Variants in PLAG1 observed in about 807,000 individuals in gnomAD.
PLAG1 encodes the protein PLAG1 zinc finger, also known as zinc finger protein PLAG1.
In PLAG1, 7 loss-of-function variants were observed where a neutral mutation model predicts 35.5. The observed-to-expected ratio is 0.20, with a 90% CI of 0.11 to 0.37. The LOEUF (loss-of-function observed/expected upper bound fraction) is 0.37. PLAG1 is among the 10% of genes least tolerant of loss of function. The pLI is 1.00. For synonymous variants in PLAG1, 229 were observed against 225.4 expected (o/e 1.02, Z -0.14); for missense variants, 454 against 602.8 (o/e 0.75, Z 2.58).
intron 1 of PLAG1, among the ~76,000 whole-genome samples, chr8:56,179,717 T>A (rs1230812757): frequency 6.6e-6 from 1 of 152,168 alleles, no homozygotes; most frequent in Non-Finnish European, 1.5e-5. Context: ...GATTTATATA[T>A]TTCCTCCCGA....
chr8:56,161,046 T>C lies in PLAG1; in HGVS notation c.*5197A>G, dbSNP rs933184897. ...CAGCAAATTAATATTTTAAATCTGG[T>C]ATATGGACAATAAATAGTCTGCTTC... On this transcript the variant is annotated 3_prime_UTR_variant, in exon 5 of 5. Coordinates refer to ENST00000316981, the MANE Select transcript of PLAG1 (RefSeq NM_002655.3). 5.5e-6 allele frequency: 1 copy of C among 183,236 alleles called. No homozygotes were observed. Among genetic ancestry groups the C allele is most frequent in the Non-Finnish European group, 1.2e-5 (1 of 85,920 alleles). 11.4% of individuals were successfully genotyped at this position (183,236 alleles called of 1,614,324 possible). A position where few individuals can be genotyped will look rare whatever the true frequency, so the allele number is the denominator to read the frequency against.
Position 56,165,814 on chromosome 8 carries a change from C to A in PLAG1, c.*429G>T, listed in dbSNP as rs1811336352. 2 of 196,078 alleles carry A rather than the reference C, an allele frequency of 1.0e-5. No individual in the cohort carries two copies. The highest frequency in any genetic ancestry group is 1.9e-4 in the South Asian group (1 of 5,194). 12.1% of individuals were successfully genotyped at this position (196,078 alleles called of 1,614,324 possible). Reference sequence around the variant, plus strand: ...AGAAGCTAGTAAGAAAATTTAAACCCTTGAGTTATTCACAAACTTTTTATA... The same window carrying A: ...AGAAGCTAGTAAGAAAATTTAAACCATTGAGTTATTCACAAACTTTTTATA... On this transcript the variant is annotated 3_prime_UTR_variant, in exon 5 of 5. Coordinates refer to ENST00000316981, the MANE Select transcript of PLAG1 (RefSeq NM_002655.3).
At chr8:56,175,396 G>A (rs1297085277) in intron 2 of PLAG1, among the ~76,000 whole-genome samples, 1 of 152,192 alleles carries the variant, frequency 6.6e-6, no homozygotes, top group Non-Finnish European at 1.5e-5. Flanking sequence ...GAACAGAAAG[G>A]AGCTGGAGCA....
intron 1 of PLAG1, among the ~76,000 whole-genome samples, chr8:56,210,489 A>T (rs1462876192): frequency 6.6e-6 from 1 of 151,580 alleles, no homozygotes; most frequent in African/African-American, 2.4e-5. Flanking sequence ...ACCTGAGGAA[A>T]GGGCAAAAAC....
In PLAG1 at chr8:56,166,907, T is replaced by C; in HGVS notation, c.839A>G (p.Lys280Arg). 1.9e-6 allele frequency: 3 copies of C among 1,614,140 alleles called. No homozygotes were observed. The highest frequency in any genetic ancestry group is 2.5e-6 in the Non-Finnish European group (3 of 1,180,004). ...TAACTGCAAAGTGTTTGTGAATGGC[T>C]TTGATAACAGTTCACTGGAAGGTAA... ...MSLPSSELLSKPFTNTLQLNL... is the reference protein window; with the variant it reads ...MSLPSSELLSRPFTNTLQLNL... The change falls in exon 5 of 5, where the codon AAG becomes AGG. Residue 280 changes from lysine (K) to arginine (R), a missense_variant. Lys to Arg is a conservative substitution (Grantham distance 26). This residue lies in a region of PLAG1 where 271 missense variants were observed against 315.6 expected (regional missense o/e 0.86). Coordinates refer to ENST00000316981, the MANE Select transcript of PLAG1 (RefSeq NM_002655.3).
At chr8:56,191,746 C>G (rs1396338352) in intron 1 of PLAG1, among the ~76,000 whole-genome samples, 1 of 150,236 alleles carries the variant, frequency 6.7e-6, no homozygotes, top group African/African-American at 2.5e-5. Context: ...TTAACAGAAC[C>G]TGTGGTATTA....
intron 1 of PLAG1, among the ~76,000 whole-genome samples, chr8:56,202,062 C>A (rs778932097): frequency 4.0e-5 from 6 of 151,144 alleles, no homozygotes; most frequent in Non-Finnish European, 7.4e-5. Context: ...AGAACCTCTG[C>A]TTTCTTATTT....
chr8:56,180,887 G>A (rs1340098465), intron 1 of PLAG1, among the ~76,000 whole-genome samples: 1 of 152,134 alleles, frequency 6.6e-6, no homozygotes, highest in East Asian at 1.9e-4. Flanking sequence ...GTCAAAAAGT[G>A]GGCGAAGGAT....
rs989068060 is a variant in PLAG1 at position 56,164,687 on chromosome 8, C to T, written c.*1556G>A. ...TAGATATGTTTCTTAGGTTAATGTC[C>T]CAACTGACCCTTAGAAAAATATATT... On this transcript the variant is annotated 3_prime_UTR_variant, in exon 5 of 5. Transcript: ENST00000316981. 4.6e-6 allele frequency: 1 copy of T among 219,574 alleles called. No individual in the cohort carries two copies. The allele number at this position is 219,574 out of a possible 1,614,324, so 13.6% of individuals were successfully genotyped here.
rs142718435 is a variant in PLAG1 at position 56,176,499 on chromosome 8, T to C, written c.-217+2910A>G. 3.6e-3 allele frequency among the ~76,000 whole-genome samples: 541 copies of C among 152,224 alleles called. 3 individuals carry two copies. The highest frequency in any genetic ancestry group is 0.012 in the African/African-American group (487 of 41,528). On this transcript the variant is annotated intron_variant, in intron 2 of 4. Coordinates refer to ENST00000316981, the MANE Select transcript of PLAG1 (RefSeq NM_002655.3). Reference sequence around the variant, plus strand: ...AATGGGTGGTACAACACTGAGATATTTTCATTTTTTTCACATGGGGCCATT... The same window carrying C: ...AATGGGTGGTACAACACTGAGATATCTTCATTTTTTTCACATGGGGCCATT...
Position 56,165,603 on chromosome 8 carries a change from C to T in PLAG1, c.*640G>A, listed in dbSNP as rs1811331287. ...ACAGAGTCTCTTTTTGCTATAAATA[C>T]TGATGCTTTGTGTTTAGGGTTTGTT... On this transcript the variant is annotated 3_prime_UTR_variant, in exon 5 of 5. Coordinates refer to ENST00000316981, the MANE Select transcript of PLAG1 (RefSeq NM_002655.3). 4.9e-6 allele frequency: 1 copy of T among 203,132 alleles called. No homozygotes were observed. Among genetic ancestry groups the T allele is most frequent in the Non-Finnish European group, 1.0e-5 (1 of 98,900 alleles). The allele number at this position is 203,132 out of a possible 1,614,324, so 12.6% of individuals were successfully genotyped here. A position where few individuals can be genotyped will look rare whatever the true frequency, so the allele number is the denominator to read the frequency against.
intron 1 of PLAG1, among the ~76,000 whole-genome samples, chr8:56,184,910 G>T (rs1811979638): frequency 6.6e-6 from 1 of 152,122 alleles, no homozygotes; most frequent in South Asian, 2.1e-4. Flanking sequence ...TCATGCCACT[G>T]CACTCCAGTC....
Position 56,162,223 on chromosome 8 carries a change from T to C in PLAG1, c.*4020A>G, listed in dbSNP as rs999121472. ...TTTACCAGAACTAACAGCCAGCCAT[T>C]GCTAATGACGAATACTAAACATTTA... On this transcript the variant is annotated 3_prime_UTR_variant, in exon 5 of 5. Coordinates refer to ENST00000316981, the MANE Select transcript of PLAG1 (RefSeq NM_002655.3). The C allele has an allele frequency of 4.4e-6, 1 of 228,990 alleles. No homozygotes were observed. The highest frequency in any genetic ancestry group is 5.7e-5 in the Admixed American group (1 of 17,630). The allele number at this position is 228,990 out of a possible 1,614,324, so 14.2% of individuals were successfully genotyped here. A position where few individuals can be genotyped will look rare whatever the true frequency, so the allele number is the denominator to read the frequency against.
chr8:56,161,157 TATG>T lies in PLAG1; in HGVS notation c.*5083_*5085del, dbSNP rs1404760395. 3 of 192,068 alleles carry T rather than the reference TATG, an allele frequency of 1.6e-5. No homozygotes were observed. Among genetic ancestry groups the T allele is most frequent in the Non-Finnish European group, 3.3e-5 (3 of 91,634 alleles). 11.9% of individuals were successfully genotyped at this position (192,068 alleles called of 1,614,324 possible). On this transcript the variant is annotated 3_prime_UTR_variant, in exon 5 of 5. Coordinates refer to ENST00000316981, the MANE Select transcript of PLAG1 (RefSeq NM_002655.3). ...ACAGAGCTTATACACACACAAAAAA[TATG>T]ATCTTTGTCTATATTTTATACAAAT...
Position 56,179,408 on chromosome 8 carries a change from C to A in PLAG1, c.-217+1G>T. On this transcript the variant is annotated splice_donor_variant, in intron 2 of 4. Transcript: ENST00000316981. LOFTEE classifies it low-confidence loss of function (5UTR_SPLICE). ...GCCATATAATGATAAAAGCCACCTA[C>A]CTGAGGCCCTGCTCCAAACTCTAGC... 1 of 728,936 alleles carries A rather than the reference C, an allele frequency of 1.4e-6. No homozygotes were observed. The highest frequency in any genetic ancestry group is 1.7e-6 in the Non-Finnish European group (1 of 595,004). 45.2% of individuals were successfully genotyped at this position (728,936 alleles called of 1,614,324 possible). A position where few individuals can be genotyped will look rare whatever the true frequency, so the allele number is the denominator to read the frequency against.
intron 1 of PLAG1, among the ~76,000 whole-genome samples, chr8:56,184,918 G>T (rs112234186): frequency 6.6e-6 from 1 of 152,124 alleles, no homozygotes; most frequent in Non-Finnish European, 1.5e-5. Flanking sequence ...CTGCACTCCA[G>T]TCTGGGTGAC....
Position 56,161,780 on chromosome 8 carries a change from T to C in PLAG1, c.*4463A>G. 4.3e-6 allele frequency: 1 copy of C among 230,444 alleles called. No individual in the cohort carries two copies. Among genetic ancestry groups the C allele is most frequent in the East Asian group, 6.2e-5 (1 of 16,154 alleles). 14.3% of individuals were successfully genotyped at this position (230,444 alleles called of 1,614,324 possible). A position where few individuals can be genotyped will look rare whatever the true frequency, so the allele number is the denominator to read the frequency against. On this transcript the variant is annotated 3_prime_UTR_variant, in exon 5 of 5. Coordinates refer to ENST00000316981, the MANE Select transcript of PLAG1 (RefSeq NM_002655.3). ...GAGAAGTTTGTAGCACCATGAAGAG[T>C]TGTAGCCCAAGTTACATTAGCAGCA...
At chr8:56,198,584 C>T (rs185217775) in intron 1 of PLAG1, among the ~76,000 whole-genome samples, 7 of 152,330 alleles carry the variant, frequency 4.6e-5, no homozygotes, top group Non-Finnish European at 8.8e-5. Flanking sequence ...GCTTTCTGCC[C>T]GGTCCCCTAT....
chr8:56,179,815 T>A (rs1245625307), intron 1 of PLAG1, among the ~76,000 whole-genome samples: 1 of 152,198 alleles, frequency 6.6e-6, no homozygotes, highest in Non-Finnish European at 1.5e-5. Context: ...TTTATTTATG[T>A]TCTAAACACA....
Sources: allele counts gnomAD v4.1 joint callset (sites outside exome capture counted in the v4.1 genomes callset), GRCh38; gene constraint gnomAD v4.1.1; regional missense constraint gnomAD v4.1.1; transcripts MANE v1.5; gene names NCBI Gene and HGNC (gene_info 2026-07-23, HGNC 2026-07-21).